TECR: variants seen among roughly 807,000 people sequenced by gnomAD.
TECR encodes the protein very-long-chain enoyl-CoA reductase.
Under a neutral mutation model 50.6 loss-of-function variants are expected in TECR, and 19 were observed. The observed-to-expected ratio is 0.38, with a 90% CI of 0.26 to 0.55. The LOEUF is 0.55. Ranked by LOEUF, TECR falls within the 20% of genes least tolerant of loss-of-function variation. The pLI, the probability that TECR is intolerant of heterozygous loss-of-function variation, is 0.79. For missense variants in TECR, 313 were observed against 408.3 expected, an observed-to-expected ratio of 0.77 and a Z score of 2.01; for synonymous variants, 168 against 163.5, an observed-to-expected ratio of 1.03 and a Z score of -0.21.
chr19:14,538,115 T>C (rs2072969741), intron 1 of TECR, among the ~76,000 whole-genome samples: 1 of 152,184 alleles, frequency 6.6e-6, no homozygotes, highest in Admixed American at 6.5e-5. Flanking sequence ...GCTGTTCTTA[T>C]CTCTACTTGA....
chr19:14,551,500 C>G (rs1003743691), intron 1 of TECR, among the ~76,000 whole-genome samples: 1 of 152,166 alleles, frequency 6.6e-6, no homozygotes, highest in African/African-American at 2.4e-5. Context: ...GTTGGAGAAG[C>G]AGACAGGCAA....
chr19:14,529,605 C>G lies in TECR; in HGVS notation c.-92C>G, dbSNP rs778865767. 1.9e-6 allele frequency: 3 copies of G among 1,595,256 alleles called. No homozygotes were observed. Among genetic ancestry groups the G allele is most frequent in the African/African-American group, 2.7e-5 (2 of 74,520 alleles). ...GGACGCAGAGCCGCGTTTAGTCTAT[C>G]GCTGCGGTTGCGAGCGCTGTAGGGA... On this transcript the variant is annotated 5_prime_UTR_variant, in exon 1 of 13. It adds an upstream start codon to the 5' untranslated region. Coordinates refer to ENST00000215567, the MANE Select transcript of TECR (RefSeq NM_138501.6).
chr19:14,558,766 C>T (rs1359679961), intron 1 of TECR, among the ~76,000 whole-genome samples: 1 of 152,214 alleles, frequency 6.6e-6, no homozygotes, highest in Admixed American at 6.5e-5. Context: ...CAGCCCCTCC[C>T]AGCCCCTCCG....
At chr19:14,540,647 C>T (rs1010902433) in intron 1 of TECR, among the ~76,000 whole-genome samples, 2 of 152,014 alleles carry the variant, frequency 1.3e-5, no homozygotes, top group Non-Finnish European at 2.9e-5. Flanking sequence ...CTGCCTGGGC[C>T]TCCCAAAGTG....
chr19:14,546,530 T>C (rs2073312369), intron 1 of TECR, among the ~76,000 whole-genome samples: 1 of 152,182 alleles, frequency 6.6e-6, no homozygotes, highest in African/African-American at 2.4e-5. Flanking sequence ...GAGGTTGTAG[T>C]GAGCAACCTC....
intron 1 of TECR, 86 bp downstream of exon 1, chr19:14,529,797 G>A: frequency 3.8e-6 from 6 of 1,593,174 alleles, no homozygotes; most frequent in Non-Finnish European, 5.2e-6. Flanking sequence ...CCACTTTCTG[G>A]TCCTGTGCCC....
In TECR at chr19:14,563,035, G is replaced by A. The variant is rs1409417809; in HGVS notation, c.67-171G>A. ...CCAGACCCCTGCTGTCACTGCACTG[G>A]CAGGGCCCTCGGTGGTCCTTCCCTG... On this transcript the variant is annotated intron_variant, in intron 2 of 12. Coordinates refer to ENST00000215567, the MANE Select transcript of TECR (RefSeq NM_138501.6). The surrounding 1 kb of genome is among the most constrained non-coding windows in gnomAD (Gnocchi z 5.3). The A allele has an allele frequency of 1.2e-5, 9 of 756,214 alleles. No individual in the cohort carries two copies. Among genetic ancestry groups the A allele is most frequent in the Non-Finnish European group, 1.9e-5 (9 of 462,732 alleles). The allele number at this position is 756,214 out of a possible 1,614,324, so 46.8% of individuals were successfully genotyped here.
chr19:14,556,845 T>A (rs2073744389), intron 1 of TECR, among the ~76,000 whole-genome samples: 1 of 152,030 alleles, frequency 6.6e-6, no homozygotes, highest in South Asian at 2.1e-4. Flanking sequence ...GTGGGGAGCG[T>A]CGCAGCCTCC....
At chr19:14,555,221 T>C (rs2073677078) in intron 1 of TECR, among the ~76,000 whole-genome samples, 1 of 151,676 alleles carries the variant, frequency 6.6e-6, no homozygotes, top group Non-Finnish European at 1.5e-5. Flanking sequence ...GGTAGGACCA[T>C]AGGTGCGAGT....
intron 1 of TECR, among the ~76,000 whole-genome samples, chr19:14,536,087 A>G (rs535884752): frequency 3.0e-4 from 46 of 152,182 alleles, no homozygotes; most frequent in African/African-American, 1.1e-3. Flanking sequence ...TGAGACCCAG[A>G]GAACAAGGCC....
intron 1 of TECR, chr19:14,530,067 G>A: frequency 2.5e-6 from 1 of 402,964 alleles, no homozygotes; most frequent in Non-Finnish European, 4.7e-6. Flanking sequence ...AGGGAGTCTT[G>A]CACAAATCTT....
At chr19:14,530,598 C>T (rs1454979275) in intron 1 of TECR, 1 of 152,086 alleles carries the variant, frequency 6.6e-6, no homozygotes, top group Non-Finnish European at 1.5e-5. Context: ...TGAATAAAGT[C>T]TCAGAGATAT....
At chr19:14,541,893 C>T (rs2073107877) in intron 1 of TECR, among the ~76,000 whole-genome samples, 1 of 151,910 alleles carries the variant, frequency 6.6e-6, no homozygotes. Context: ...AGCGATTCTC[C>T]TGCCTCAGCC....
At chr19:14,556,843 C>T (rs756694550) in intron 1 of TECR, among the ~76,000 whole-genome samples, 14 of 152,156 alleles carry the variant, frequency 9.2e-5, no homozygotes, top group Non-Finnish European at 1.6e-4. Flanking sequence ...CAGTGGGGAG[C>T]GTCGCAGCCT....
chr19:14,563,213 C>G lies in TECR; in HGVS notation c.74C>G (p.Pro25Arg). 6.2e-7 allele frequency: 1 copy of G among 1,613,670 alleles called. No individual in the cohort carries two copies. The highest frequency in any genetic ancestry group is 8.5e-7 in the Non-Finnish European group (1 of 1,179,842). ...EKLCFLDKVE[P>R]HATIAEIKNL... The stretch of plus-strand genomic sequence containing the variant: ...CGCCTGTGCTTCCCCCAGGTGGAGC[C>G]CCACGCCACCATTGCGGAGATCAAG... The change falls in exon 3 of 13, where the codon CCC becomes CGC. Residue 25 changes from proline (P) to arginine (R), a missense_variant. By Grantham distance (103) the Pro-to-Arg change is moderately radical. Coordinates refer to ENST00000215567, the MANE Select transcript of TECR (RefSeq NM_138501.6). This position sits in a 1 kb window ranked among gnomAD's most constrained non-coding sequence, Gnocchi z 5.3.
At chr19:14,555,753 T>G (rs2146613412) in intron 1 of TECR, among the ~76,000 whole-genome samples, 1 of 152,312 alleles carries the variant, frequency 6.6e-6, no homozygotes, top group Middle Eastern at 3.4e-3. Flanking sequence ...AGCTAATTTT[T>G]ATAAATACTT....
intron 1 of TECR, among the ~76,000 whole-genome samples, chr19:14,549,977 GC>G (rs1000893626): frequency 1.1e-4 from 16 of 151,718 alleles, no homozygotes; most frequent in African/African-American, 3.4e-4. Context: ...CTATACACCT[GC>G]CCCCTTCAAC....
intron 1 of TECR, among the ~76,000 whole-genome samples, chr19:14,555,208 G>A (rs1205945083): frequency 6.6e-6 from 1 of 151,688 alleles, no homozygotes; most frequent in East Asian, 1.9e-4. Context: ...CCCCTGAGGA[G>A]TAGGTAGGAC....
intron 1 of TECR, among the ~76,000 whole-genome samples, chr19:14,558,918 C>T (rs976436661): frequency 9.9e-5 from 15 of 152,230 alleles, no homozygotes; most frequent in African/African-American, 3.4e-4. Flanking sequence ...GCTGCCTGTA[C>T]CCTCTGCAGC....
Sources: gnomAD v4.1 joint callset for allele counts (sites outside exome capture counted in the v4.1 genomes callset) on GRCh38, gnomAD v4.1.1 for gene constraint, Gnocchi (gnomAD v3.1) non-coding constraint, MANE v1.5 for transcripts, NCBI Gene and HGNC (gene_info 2026-07-23, HGNC 2026-07-21) for gene names.